CORO7: variants seen among roughly 807,000 people sequenced by gnomAD.
The protein encoded by CORO7 is coronin 7.
In CORO7, 107 loss-of-function variants were observed where a neutral mutation model predicts 126.6. The ratio of observed to expected loss-of-function variants is 0.85; its 90% CI spans 0.72 to 0.99. The LOEUF is 0.99. Ranked by LOEUF, CORO7 falls within the 50% of genes least tolerant of loss-of-function variation. The pLI is 0.00. For missense variants in CORO7, 1,314 were observed against 1,255.8 expected, an observed-to-expected ratio of 1.05 and a Z score of -0.70; for synonymous variants, 603 against 536.8, an observed-to-expected ratio of 1.12 and a Z score of -1.70.
In CORO7 at chr16:4,358,033, G is replaced by A. The variant is rs370883825; in HGVS notation, c.2528C>T (p.Ala843Val). 2.5e-6 allele frequency: 4 copies of A among 1,613,386 alleles called. No individual in the cohort carries two copies. Residue 843 changes from alanine (A) to valine (V), a missense_variant, in exon 25 of 28, where the codon GCC becomes GTC. Ala to Val is a moderately conservative substitution (Grantham distance 64). Coordinates refer to ENST00000251166, the MANE Select transcript of CORO7 (RefSeq NM_024535.5). ...VIWEPVLSAE[A>V]WLQGANGQPW... ...CTGCCCATTAGCGCCTTGCAGCCAG[G>A]CCTCGGCACTGAGCACAGGCTCCCA...
intron 6 of CORO7, among the ~76,000 whole-genome samples, chr16:4,401,322 G>A (rs984207845): frequency 6.6e-6 from 1 of 152,234 alleles, no homozygotes; most frequent in African/African-American, 2.4e-5. Flanking sequence ...AGGGGGCCGT[G>A]GGCACACGCA....
intron 6 of CORO7, among the ~76,000 whole-genome samples, chr16:4,400,094 G>A (rs1018268942): frequency 6.6e-6 from 1 of 152,290 alleles, no homozygotes; most frequent in Non-Finnish European, 1.5e-5. Context: ...GGGATGTTAA[G>A]AGCAGTGAAA....
rs376688575 is a variant in CORO7 at position 4,377,822 on chromosome 16, G to A, written c.785+10164C>T. Among the ~76,000 whole-genome samples, 29 of 152,294 alleles carry A rather than the reference G, an allele frequency of 1.9e-4. 1 individual carries two copies. The highest frequency in any genetic ancestry group is 1.7e-3 in the South Asian group (8 of 4,818). The stretch of plus-strand genomic sequence containing the variant: ...TGGGGCTCAGGCAAAAGAGCTCACC[G>A]CACATTTTACGGGGCTGGGAAGCAG... On this transcript the variant is annotated intron_variant, in intron 9 of 27. Transcript: ENST00000251166.
chr16:4,416,006 G>A, intron 1 of CORO7: 2 of 487,562 alleles, frequency 4.1e-6, no homozygotes, highest in Non-Finnish European at 5.3e-6. Context: ...TGGGCTCGCC[G>A]GGGCCAGAGG....
intron 6 of CORO7, among the ~76,000 whole-genome samples, chr16:4,396,495 T>C (rs888561380): frequency 6.6e-6 from 1 of 152,230 alleles, no homozygotes; most frequent in Non-Finnish European, 1.5e-5. Flanking sequence ...TTGTTTTTAT[T>C]GATACCCAAC....
At chr16:4,388,828 C>A (rs942155175) in intron 7 of CORO7, among the ~76,000 whole-genome samples, 197 bp from the exon 8 acceptor site, 1 of 152,180 alleles carries the variant, frequency 6.6e-6, no homozygotes, top group Non-Finnish European at 1.5e-5. Context: ...ATCAGCCCCG[C>A]CTCCGCCCCA....
chr16:4,404,657 ATCCCCG>A (rs893817288), intron 6 of CORO7, among the ~76,000 whole-genome samples: 8 of 151,948 alleles, frequency 5.3e-5, no homozygotes, highest in African/African-American at 1.9e-4. Context: ...GCCACAGCAC[ATCCCCG>A]TCCCAGTGAC....
intron 1 of CORO7, among the ~76,000 whole-genome samples, chr16:4,416,234 G>A (rs1000331728): frequency 6.6e-6 from 1 of 152,150 alleles, no homozygotes; most frequent in African/African-American, 2.4e-5. Flanking sequence ...CAGACCGCCA[G>A]GGTCACCGAG....
At chr16:4,367,519 A>G (rs1253603419) in intron 9 of CORO7, among the ~76,000 whole-genome samples, 1 of 152,184 alleles carries the variant, frequency 6.6e-6, no homozygotes, top group African/African-American at 2.4e-5. Context: ...CTAGCACAAG[A>G]GGCAGACAGA....
chr16:4,387,952 G>GC (rs763933995), intron 9 of CORO7, 34 bp downstream of exon 9: 18 of 1,610,036 alleles, frequency 1.1e-5, no homozygotes, highest in Non-Finnish European at 1.5e-5. Context: ...TGGGTCATCA[G>GC]CCCCCCAGCC....
In CORO7 at chr16:4,390,401, G is replaced by A. The variant is rs148889693; in HGVS notation, c.616-1770C>T. Among the ~76,000 whole-genome samples the A allele has an allele frequency of 7.2e-5, 11 of 152,324 alleles. No individual in the cohort carries two copies. The South Asian group carries it at 2.1e-3, about 29-fold the overall frequency. ...GAAGGCTCAGGATTGTGTCTGACAC[G>A]TGTCAAGTGTGCATGTCTCACAGCT... On this transcript the variant is annotated intron_variant, in intron 7 of 27. Coordinates refer to ENST00000251166, the MANE Select transcript of CORO7 (RefSeq NM_024535.5).
At chr16:4,383,168 G>C (rs971842385) in intron 9 of CORO7, 15 of 430,472 alleles carry the variant, frequency 3.5e-5, no homozygotes, top group Admixed American at 8.2e-5. Context: ...GCAGTCCCTG[G>C]GCACGGCGGG....
intron 23 of CORO7, 83 bp from the exon 24 acceptor site, chr16:4,358,566 C>CTGAG (rs1254680962): frequency 2.9e-5 from 40 of 1,375,282 alleles, no homozygotes; most frequent in Non-Finnish European, 3.5e-5. Context: ...TGCCGGCACC[C>CTGAG]CTCACTTAGG....
intron 7 of CORO7, 79 bp downstream of exon 7, chr16:4,395,210 T>A: frequency 6.2e-7 from 1 of 1,604,224 alleles, no homozygotes; most frequent in Non-Finnish European, 8.5e-7. Context: ...GGCCTGCCCC[T>A]ACCTCCACCT....
chr16:4,405,719 G>A (rs968603952), intron 5 of CORO7, 152 bp from the exon 6 acceptor site: 8 of 888,602 alleles, frequency 9.0e-6, no homozygotes, highest in Non-Finnish European at 1.3e-5. Flanking sequence ...GCTTCTCCCA[G>A]ACAGGCTTCC....
intron 6 of CORO7, among the ~76,000 whole-genome samples, chr16:4,404,038 A>G (rs1409577654): frequency 6.6e-6 from 1 of 152,176 alleles, no homozygotes; most frequent in African/African-American, 2.4e-5. Flanking sequence ...CCAGTCTCTC[A>G]GGACTCTCTG....
chr16:4,406,783 G>A (rs1419900399), intron 5 of CORO7, among the ~76,000 whole-genome samples: 2 of 151,772 alleles, frequency 1.3e-5, no homozygotes, highest in African/African-American at 2.4e-5. Flanking sequence ...GGGATTACAG[G>A]CACCCGCCAC....
rs1244567122 is a variant in CORO7 at position 4,416,483 on chromosome 16, G to C, written c.36C>G (p.Thr12=). ...NRFRVSKFRH[T]EARPPRRESW... ...CCTCGCGGCGGGGCGGCCGAGCCTC[G>C]GTGTGCCGGAACTTGGACACCCTGA... Residue 12 remains threonine, a synonymous_variant, in exon 1 of 28, where the codon ACC becomes ACG. Coordinates refer to ENST00000251166, the MANE Select transcript of CORO7 (RefSeq NM_024535.5). 6 of 1,578,486 alleles carry C rather than the reference G, an allele frequency of 3.8e-6. No homozygotes were observed. Among genetic ancestry groups the C allele is most frequent in the Non-Finnish European group, 4.3e-6 (5 of 1,165,722 alleles).
chr16:4,369,702 C>T (rs2054459952), intron 9 of CORO7, among the ~76,000 whole-genome samples: 3 of 152,206 alleles, frequency 2.0e-5, no homozygotes, highest in Admixed American at 6.5e-5. Flanking sequence ...CCTCTGTCCT[C>T]CCCTCCAGCC....
Sources: allele counts gnomAD v4.1 joint callset (sites outside exome capture counted in the v4.1 genomes callset), GRCh38; gene constraint gnomAD v4.1.1; transcripts MANE v1.5; gene names NCBI Gene and HGNC (gene_info 2026-07-23, HGNC 2026-07-21).